TNC: variants seen among roughly 807,000 people sequenced by gnomAD.
The protein encoded by TNC is tenascin.
A neutral mutation model predicts 202.4 loss-of-function variants in TNC; 109 were observed. The ratio of observed to expected loss-of-function variants is 0.54; its 90% CI spans 0.46 to 0.63. The LOEUF is 0.63. TNC is among the 30% of genes least tolerant of loss of function. The pLI is 0.00. For missense variants in TNC, 2,756 were observed against 2,833.3 expected, an observed-to-expected ratio of 0.97 and a Z score of 0.62; for synonymous variants, 1,007 against 1,089.7, an observed-to-expected ratio of 0.92 and a Z score of 1.50.
In TNC at chr9:115,086,268, T is replaced by C. The variant is rs1330571419; in HGVS notation, c.1463A>G (p.Asp488Gly). The C allele has an allele frequency of 6.2e-7, 1 of 1,614,194 alleles. No homozygotes were observed. Among genetic ancestry groups the C allele is most frequent in the Admixed American group, 1.7e-5 (1 of 60,032 alleles). ...GRCVNGMCVC[D>G]DGYTGEDCRD... ...GCAGTCTTCCCCTGTGTAGCCGTCA[T>C]CACAAACACACATGCCATTCACACA... The change falls in exon 3 of 28, where the codon GAT (aspartate) becomes GGT (glycine). Residue 488 changes from aspartate (D) to glycine (G), a missense_variant. Around this residue, in one of 2 missense-constraint regions of TNC, gnomAD observed 2,559 missense variants for 2,546.0 expected, o/e 1.01. Transcript: ENST00000350763.
intron 4 of TNC, 24 bp downstream of exon 4, chr9:115,084,185 C>T: frequency 6.2e-7 from 1 of 1,608,192 alleles, no homozygotes; most frequent in Non-Finnish European, 8.5e-7. Flanking sequence ...GGTGAGGCTG[C>T]CCAAAAGAGT....
intron 22 of TNC, among the ~76,000 whole-genome samples, chr9:115,032,055 G>A (rs545975676): frequency 2.3e-4 from 35 of 152,294 alleles, no homozygotes; most frequent in African/African-American, 8.4e-4. Context: ...AATTTTATGT[G>A]TTAAATTGGC....
At position 115,097,015 on chromosome 9, in the gene TNC, T is replaced by A. The variant is rs189021765; in HGVS notation, c.-136-5861A>T. Among the ~76,000 whole-genome samples the A allele has an allele frequency of 1.4e-3, 217 of 152,322 alleles. 4 individuals carry two copies. Among genetic ancestry groups the A allele is most frequent in the African/African-American group, 5.1e-3 (211 of 41,586 alleles). On this transcript the variant is annotated intron_variant, in intron 1 of 27. Transcript: ENST00000350763. ...GAGCTTGTCAAAGACAACTCATGAC[T>A]CCCGTTTCTCTGCTGTCCTGCACTG...
In TNC at chr9:115,090,870, A is replaced by G. The variant is rs1390774821; in HGVS notation, c.149T>C (p.Phe50Ser). The G allele has an allele frequency of 1.2e-6, 2 of 1,614,176 alleles. No homozygotes were observed. The highest frequency in any genetic ancestry group is 1.7e-6 in the Non-Finnish European group (2 of 1,180,042). The change falls in exon 2 of 28, where the codon TTT becomes TCT. Residue 50 changes from phenylalanine (F) to serine (S), a missense_variant. Physicochemically the swap from Phe to Ser is radical, Grantham distance 155. Transcript: ENST00000350763. Reference sequence around the variant, plus strand: ...CAGCTTGATGTTGTAAACGTGGTTAAACACCACTGGCTGGTTCTCTTCTGG... The same window carrying G: ...CAGCTTGATGTTGTAAACGTGGTTAGACACCACTGGCTGGTTCTCTTCTGG... ...TLPEENQPVV[F>S]NHVYNIKLPV... is the part of the protein sequence containing the mutation.
intron 21 of TNC, 103 bp from the exon 22 acceptor site, chr9:115,035,437 C>A: frequency 7.9e-7 from 1 of 1,260,144 alleles, no homozygotes; most frequent in African/African-American, 1.5e-5. Context: ...TTCCCTACCA[C>A]TGAACTACGT....
intron 22 of TNC, 26 bp downstream of exon 22, chr9:115,035,178 G>T: frequency 6.3e-7 from 1 of 1,580,952 alleles, no homozygotes. Context: ...AACTAGCATT[G>T]AGGAGTTGTT....
intron 1 of TNC, among the ~76,000 whole-genome samples, chr9:115,092,568 TA>T (rs1835311399): frequency 6.6e-6 from 1 of 152,110 alleles, no homozygotes; most frequent in Admixed American, 6.5e-5. Context: ...ATTGAAGAGC[TA>T]TTTTATTTAT....
At chr9:115,098,015 C>T (rs1409674772) in intron 1 of TNC, among the ~76,000 whole-genome samples, 1 of 152,040 alleles carries the variant, frequency 6.6e-6, no homozygotes, top group Non-Finnish European at 1.5e-5. Context: ...ATATTTAGTC[C>T]CCCATTCTCC....
At chr9:115,023,809 G>A (rs1380314038) in intron 27 of TNC, among the ~76,000 whole-genome samples, 164 bp downstream of exon 27, 1 of 152,238 alleles carries the variant, frequency 6.6e-6, no homozygotes, top group Non-Finnish European at 1.5e-5. Flanking sequence ...TACCTGGCCT[G>A]CAGTGTCCTT....
chr9:115,038,994 A>G (rs1830540978), intron 19 of TNC, among the ~76,000 whole-genome samples: 1 of 152,108 alleles, frequency 6.6e-6, no homozygotes, highest in Non-Finnish European at 1.5e-5. Flanking sequence ...AGCCCAGCTA[A>G]CTTTTGTATT....
At chr9:115,078,253 C>T (rs1834035453) in intron 6 of TNC, 41 bp from the exon 7 acceptor site, 6 of 1,565,720 alleles carry the variant, frequency 3.8e-6, no homozygotes, top group Admixed American at 1.7e-5. Context: ...GAGGTTAGGG[C>T]CATTGCCTGA....
At chr9:115,084,953 C>A (rs1356949639) in intron 3 of TNC, among the ~76,000 whole-genome samples, 2 of 152,172 alleles carry the variant, frequency 1.3e-5, no homozygotes, top group African/African-American at 4.8e-5. Flanking sequence ...CTCCTCCCTG[C>A]CAGCCTGGTG....
chr9:115,026,460 G>T, intron 26 of TNC, 74 bp downstream of exon 26: 2 of 1,490,980 alleles, frequency 1.3e-6, no homozygotes, highest in Non-Finnish European at 1.8e-6. Context: ...AGGAATGAAA[G>T]TTAGAGAAAT....
At chr9:115,025,015 G>A (rs929555482) in intron 26 of TNC, among the ~76,000 whole-genome samples, 2 of 152,170 alleles carry the variant, frequency 1.3e-5, no homozygotes, top group Admixed American at 1.3e-4. Context: ...CATGAGGACG[G>A]CACGTAGATA....
At position 115,048,526 on chromosome 9, in the gene TNC, AG is replaced by A. The variant is rs1430007959; in HGVS notation, c.4585del (p.Leu1529CysfsTer7). On this transcript the variant is annotated frameshift_variant, in exon 16 of 28. Transcript: ENST00000350763. LOFTEE classifies it high-confidence loss of function. Reference protein sequence around the residue: ...TISATATTEALPLLENLTISD... With the variant: ...TISATATTEAXPLLENLTISD... ...AATGGTTAGGTTTTCCAGAAGGGGC[AG>A]GGCCTCTGAAAGAAGGGAGGAGTGA... The A allele has an allele frequency of 1.9e-6, 3 of 1,610,802 alleles. No individual in the cohort carries two copies. In the Admixed American group the frequency reaches 5.0e-5, roughly 27 times the overall value.
intron 12 of TNC, 46 bp from the exon 13 acceptor site, chr9:115,063,235 C>A (rs1265071662): frequency 1.3e-6 from 2 of 1,598,678 alleles, no homozygotes; most frequent in African/African-American, 1.3e-5. Context: ...AAGGCAATTG[C>A]ACGCTGGGAT....
chr9:115,095,628 G>A (rs1264955883), intron 1 of TNC, among the ~76,000 whole-genome samples: 3 of 2,140 alleles, frequency 1.4e-3, no homozygotes, highest in Admixed American at 0.012. Flanking sequence ...ATATATATAT[G>A]TATATATATG....
chr9:115,106,069 CCTAA>C (rs371917172), intron 1 of TNC, among the ~76,000 whole-genome samples: 2 of 152,294 alleles, frequency 1.3e-5, no homozygotes, highest in Non-Finnish European at 2.9e-5. Context: ...TAGAGATATA[CCTAA>C]CTATGACCTC....
chr9:115,034,553 A>C (rs1564414619), intron 22 of TNC, among the ~76,000 whole-genome samples: 1 of 152,348 alleles, frequency 6.6e-6, no homozygotes, highest in South Asian at 2.1e-4. Flanking sequence ...AGAGATAAAG[A>C]GATGATGATA....
Sources: gnomAD v4.1 joint callset for allele counts (sites outside exome capture counted in the v4.1 genomes callset) on GRCh38, gnomAD v4.1.1 for gene constraint, gnomAD v4.1.1 regional missense constraint, MANE v1.5 for transcripts, NCBI Gene and HGNC (gene_info 2026-07-23, HGNC 2026-07-21) for gene names.